SPAG16: variants seen among roughly 807,000 people sequenced by gnomAD.
SPAG16 encodes the protein sperm associated antigen 16, also known as sperm-associated antigen 16 protein.
SPAG16 carries 86 observed loss-of-function variants against 80.4 expected under a neutral mutation model. The ratio of observed to expected loss-of-function variants is 1.07; its 90% confidence interval spans 0.90 to 1.28. SPAG16 has a LOEUF of 1.28. Ranked by LOEUF, SPAG16 falls within the 50% of genes most tolerant of loss-of-function variation. The pLI, the probability that SPAG16 is intolerant of heterozygous loss-of-function variation, is 0.00. For missense variants in SPAG16, 870 were observed against 765.3 expected, an observed-to-expected ratio of 1.14 and a Z score of -1.61; for synonymous variants, 294 against 265.9, an observed-to-expected ratio of 1.11 and a Z score of -1.03.
At chr2:213,799,194 G>T (rs1013054092) in intron 10 of SPAG16, among the ~76,000 whole-genome samples, 2 of 152,058 alleles carry the variant, frequency 1.3e-5, no homozygotes, top group Non-Finnish European at 2.9e-5. Context: ...TAAGTCTTCT[G>T]ATACATGAAC....
intron 3 of SPAG16, among the ~76,000 whole-genome samples, chr2:213,309,653 A>G (rs1053705281): frequency 6.6e-6 from 1 of 152,016 alleles, no homozygotes; most frequent in Non-Finnish European, 1.5e-5. Context: ...CTCTTTGTCT[A>G]GATTTATGCT....
At chr2:213,463,969 C>A (rs1300337167) in intron 9 of SPAG16, among the ~76,000 whole-genome samples, 1 of 152,188 alleles carries the variant, frequency 6.6e-6, no homozygotes. Context: ...ATGATCCCTC[C>A]CAATCTGGGC....
intron 11 of SPAG16, among the ~76,000 whole-genome samples, chr2:213,891,260 G>T (rs1169104795): frequency 1.3e-5 from 2 of 152,062 alleles, no homozygotes; most frequent in African/African-American, 4.8e-5. Context: ...AAATGAAGAA[G>T]TTTATCATTG....
At chr2:214,167,564 C>T (rs1378603186) in intron 15 of SPAG16, among the ~76,000 whole-genome samples, 1 of 152,038 alleles carries the variant, frequency 6.6e-6, no homozygotes, top group South Asian at 2.1e-4. Flanking sequence ...TACTGATGTT[C>T]TCAAAACACA....
At position 213,365,163 on chromosome 2, in the gene SPAG16, A is replaced by C. The variant is rs146703852; in HGVS notation, c.832+1018A>C. The C allele has an allele frequency of 3.9e-5, 6 of 152,316 alleles. No individual in the cohort carries two copies. In the East Asian group the frequency reaches 1.2e-3, roughly 29 times the overall value. 9.4% of individuals were successfully genotyped at this position (152,316 alleles called of 1,614,324 possible). ...GAAGACAGTCATCCAGAGTCTTTACAATCTTTTACCCACATTGCCTAGTAC... is the reference window on the plus strand; with the variant it reads ...GAAGACAGTCATCCAGAGTCTTTACCATCTTTTACCCACATTGCCTAGTAC... On this transcript the variant is annotated intron_variant, in intron 8 of 15. Transcript: ENST00000331683.
chr2:213,602,669 C>T (rs1177808875), intron 10 of SPAG16, among the ~76,000 whole-genome samples: 1 of 152,156 alleles, frequency 6.6e-6, no homozygotes, highest in African/African-American at 2.4e-5. Flanking sequence ...CAAAAAGAAA[C>T]TTGTTTCCCA....
intron 10 of SPAG16, among the ~76,000 whole-genome samples, chr2:213,660,648 T>A (rs769673753): frequency 3.9e-4 from 60 of 152,140 alleles, no homozygotes; most frequent in Non-Finnish European, 1.0e-4. Context: ...TTGGATGGAA[T>A]CCAGGGCTCA....
chr2:213,624,793 G>T (rs908773998), intron 10 of SPAG16, among the ~76,000 whole-genome samples: 1 of 152,164 alleles, frequency 6.6e-6, no homozygotes, highest in Middle Eastern at 3.4e-3. Flanking sequence ...CTTTGTCTCA[G>T]GTTTTTGTTT....
intron 3 of SPAG16, among the ~76,000 whole-genome samples, chr2:213,304,802 A>G (rs563216895): frequency 6.6e-6 from 1 of 152,158 alleles, no homozygotes; most frequent in Non-Finnish European, 1.5e-5. Flanking sequence ...GATGTCACAT[A>G]ATGTGATTCG....
chr2:213,472,283 G>A (rs1305044668), intron 9 of SPAG16, among the ~76,000 whole-genome samples: 1 of 152,064 alleles, frequency 6.6e-6, no homozygotes, highest in Non-Finnish European at 1.5e-5. Flanking sequence ...CTCAATGGCT[G>A]CATACCAGAT....
intron 12 of SPAG16, among the ~76,000 whole-genome samples, chr2:213,980,725 T>TAGAGAGAGAGAGAG (rs1553686631): frequency 7.7e-5 from 8 of 104,028 alleles, no homozygotes; most frequent in African/African-American, 3.5e-4. Context: ...TATATATATA[T>TAGAGAGAGAGAGAG]AGAGAGAGAG....
chr2:213,574,272 C>T (rs1469858573), intron 10 of SPAG16, among the ~76,000 whole-genome samples: 1 of 152,126 alleles, frequency 6.6e-6, no homozygotes, highest in East Asian at 1.9e-4. Flanking sequence ...CCATTACTTT[C>T]CATGACTGTT....
At chr2:214,401,678 ATTTC>A (rs969870279) in intron 15 of SPAG16, among the ~76,000 whole-genome samples, 2 of 151,862 alleles carry the variant, frequency 1.3e-5, no homozygotes, top group African/African-American at 4.8e-5. Context: ...GTTTGCTTCT[ATTTC>A]TTATAACAAA....
chr2:214,372,233 G>A (rs1481302088), intron 15 of SPAG16, among the ~76,000 whole-genome samples: 1 of 152,050 alleles, frequency 6.6e-6, no homozygotes, highest in Non-Finnish European at 1.5e-5. Context: ...GCTGTATTAT[G>A]TTTCGTCTCT....
At chr2:214,222,110 CTTTT>C (rs10694178) in intron 15 of SPAG16, among the ~76,000 whole-genome samples, 2 of 103,626 alleles carry the variant, frequency 1.9e-5, no homozygotes, top group Admixed American at 1.3e-4. Context: ...CCTTGCTATT[CTTTT>C]TTTTTTTTTT....
At chr2:213,472,758 T>C (rs1559167749) in intron 9 of SPAG16, among the ~76,000 whole-genome samples, 1 of 152,120 alleles carries the variant, frequency 6.6e-6, no homozygotes, top group Admixed American at 6.5e-5. Context: ...CTGACCTCCA[T>C]AACCCCCTAC....
At chr2:214,015,409 T>A (rs7601885) in intron 13 of SPAG16, among the ~76,000 whole-genome samples, 18,399 of 151,930 alleles carry the variant, frequency 0.12, 1,560 homozygotes, top group African/African-American at 0.24. Context: ...GACCAGCCTG[T>A]CCAACATGGT....
intron 12 of SPAG16, among the ~76,000 whole-genome samples, chr2:213,950,650 TTCCC>T (rs1034704117): frequency 1.7e-3 from 252 of 150,184 alleles, no homozygotes; most frequent in African/African-American, 5.2e-3. Flanking sequence ...CCCTCTCTCC[TTCCC>T]TCCCTCCCTC....
At chr2:213,714,225 G>A (rs2066133232) in intron 10 of SPAG16, among the ~76,000 whole-genome samples, 1 of 152,188 alleles carries the variant, frequency 6.6e-6, no homozygotes, top group African/African-American at 2.4e-5. Context: ...TATTGCCTGT[G>A]TCTCAGGATG....
Sources: allele counts gnomAD v4.1 joint callset (sites outside exome capture counted in the v4.1 genomes callset), GRCh38; gene constraint gnomAD v4.1.1; transcripts MANE v1.5; gene names NCBI Gene and HGNC (gene_info 2026-07-23, HGNC 2026-07-21).